The following LRRC31 variants were observed in gnomAD, a reference collection of about 807,000 sequenced individuals.
LRRC31 encodes leucine rich repeat containing 31, also known as leucine-rich repeat-containing protein 31.
A neutral mutation model predicts 46.7 loss-of-function variants in LRRC31; 35 were observed. The ratio of observed to expected loss-of-function variants is 0.75; its 90% CI spans 0.57 to 0.99. LRRC31 has a LOEUF of 0.99. LRRC31 is among the 50% of genes least tolerant of loss of function. LRRC31 has a pLI of 0.00. For missense variants in LRRC31, 613 were observed against 626.1 expected (o/e 0.98, Z 0.22); for synonymous variants, 236 against 235.1 (o/e 1.00, Z -0.03).
chr3:169,852,054 G>T (rs1780792397), intron 6 of LRRC31, among the ~76,000 whole-genome samples: 1 of 152,066 alleles, frequency 6.6e-6, no homozygotes, highest in Non-Finnish European at 1.5e-5. Context: ...GTGTGATTTT[G>T]GACAAGTTAA....
In LRRC31 at chr3:169,860,691, C is replaced by A; in HGVS notation, c.357G>T (p.Leu119=). The A allele has an allele frequency of 6.2e-7, 1 of 1,614,084 alleles. No homozygotes were observed. Among genetic ancestry groups the A allele is most frequent in the Non-Finnish European group, 8.5e-7 (1 of 1,179,982 alleles). The change falls in exon 3 of 9, where the codon CTG becomes CTT. Residue 119 remains leucine (L), a synonymous_variant. Coordinates refer to ENST00000316428, the MANE Select transcript of LRRC31 (RefSeq NM_024727.4). The part of the protein sequence containing the change: ...LLPFLPDLEE[L]DISWNGFVGG... ...CTACAAAACCATTCCAGGAGATATC[C>A]AGTTCTTCCAAGTCTGGGAGAAAAG...
rs775007900 is a variant in LRRC31, at chr3:169,861,755, G to A, written c.234C>T (p.Phe78=). Residue 78 remains phenylalanine (F), a synonymous_variant, in exon 2 of 9, where the codon TTC becomes TTT. Coordinates refer to ENST00000316428, the MANE Select transcript of LRRC31 (RefSeq NM_024727.4). ...WRSSMEKNEH[F]LQKLGKKAVN... is the part of the protein sequence containing the mutation. ...CAGCCTTTTTGCCCAGCTTCTGCAG[G>A]AAATGCTCATTTTTCTCCATACTGG... The A allele has an allele frequency of 1.2e-5, 20 of 1,613,990 alleles. No homozygotes were observed. The highest frequency in any genetic ancestry group is 3.3e-4 in the Middle Eastern group (2 of 6,084).
chr3:169,869,823 G>T lies in LRRC31; in HGVS notation c.-16C>A. The T allele has an allele frequency of 6.3e-7, 1 of 1,596,480 alleles. No homozygotes were observed. Among genetic ancestry groups the T allele is most frequent in the Non-Finnish European group, 8.5e-7 (1 of 1,173,204 alleles). Reference sequence around the variant, plus strand: ...TTTGACTCATGGTGAAGTTGATGGGGGTAGTTCCCAATAAGACATCTTCCT... The same window carrying T: ...TTTGACTCATGGTGAAGTTGATGGGTGTAGTTCCCAATAAGACATCTTCCT... On this transcript the variant is annotated 5_prime_UTR_variant, in exon 1 of 9. Coordinates refer to ENST00000316428, the MANE Select transcript of LRRC31 (RefSeq NM_024727.4).
chr3:169,856,034 C>G (rs1193929228), intron 5 of LRRC31, among the ~76,000 whole-genome samples: 1 of 151,970 alleles, frequency 6.6e-6, no homozygotes, highest in Non-Finnish European at 1.5e-5. Flanking sequence ...GCGCACGTAC[C>G]ACCACGCCCA....
chr3:169,856,789 G>A lies in LRRC31; in HGVS notation c.571C>T (p.Leu191Phe). ...TTGCTCCCTTTTTGGAACTTCTGAA[G>A]GATCAGAGGCAAATTTCCTCCCACT... ...SKVGGNLPLILQKFQKGSKIQ... is the reference protein window; with the variant it reads ...SKVGGNLPLIFQKFQKGSKIQ... The change falls in exon 4 of 9, where the codon CTT becomes TTT. Residue 191 changes from leucine (L) to phenylalanine (F), a missense_variant. Coordinates refer to ENST00000316428, the MANE Select transcript of LRRC31 (RefSeq NM_024727.4). 6.2e-7 allele frequency: 1 copy of A among 1,608,270 alleles called. No homozygotes were observed. Among genetic ancestry groups the A allele is most frequent in the East Asian group, 2.2e-5 (1 of 44,476 alleles).
At chr3:169,848,319 T>C (rs1279178234) in intron 7 of LRRC31, 32 bp from the exon 8 acceptor site, 1 of 1,599,714 alleles carries the variant, frequency 6.3e-7, no homozygotes, top group Non-Finnish European at 8.6e-7. Flanking sequence ...ACAGCAGTAA[T>C]TTAGGATTTC....
At chr3:169,853,331 A>G in intron 6 of LRRC31, 3 of 985,328 alleles carry the variant, frequency 3.0e-6, no homozygotes, top group Non-Finnish European at 3.6e-6. Flanking sequence ...ATGTATTTTC[A>G]TTTCCATCTT....
intron 1 of LRRC31, among the ~76,000 whole-genome samples, chr3:169,862,734 C>G (rs1047483785): frequency 1.3e-5 from 2 of 151,940 alleles, no homozygotes; most frequent in Non-Finnish European, 2.9e-5. Context: ...TCACACCAGC[C>G]TGGCAACAGA....
At chr3:169,859,404 G>A (rs1006834910) in intron 3 of LRRC31, among the ~76,000 whole-genome samples, 2 of 152,196 alleles carry the variant, frequency 1.3e-5, no homozygotes, top group African/African-American at 2.4e-5. Context: ...TGGGCCGGGG[G>A]ACGTCAGCTG....
intron 1 of LRRC31, among the ~76,000 whole-genome samples, chr3:169,867,610 C>T (rs1259786810): frequency 2.0e-5 from 3 of 152,086 alleles, no homozygotes; most frequent in South Asian, 2.1e-4. Context: ...TGGCCTTAAG[C>T]GATCCTCCTG....
In LRRC31 at chr3:169,854,929, T is replaced by C. The variant is rs1433170970; in HGVS notation, c.875A>G (p.Asn292Ser). Residue 292 changes from asparagine to serine, a missense_variant, in exon 6 of 9, where the codon AAT becomes AGT. Transcript: ENST00000316428. ...GELRKLDLSC[N>S]KDLGGGFEDS... ...TTCAAAACCTCCACCTAGATCCTTA[T>C]TGCAGGAAAGATCTAATTTCCTCAG... The C allele has an allele frequency of 1.2e-6, 2 of 1,613,194 alleles. No individual in the cohort carries two copies. The highest frequency in any genetic ancestry group is 2.2e-5 in the East Asian group (1 of 44,886).
chr3:169,840,423 T>A, intron 8 of LRRC31, 110 bp from the exon 9 acceptor site: 1 of 1,149,706 alleles, frequency 8.7e-7, no homozygotes, highest in Non-Finnish European at 1.3e-6. Flanking sequence ...AGATTAGTAA[T>A]TAGTAATGAT....
chr3:169,840,072 C>G lies in LRRC31; in HGVS notation c.1569G>C (p.Trp523Cys). The G allele has an allele frequency of 6.2e-7, 1 of 1,614,046 alleles. No individual in the cohort carries two copies. The highest frequency in any genetic ancestry group is 8.5e-7 in the Non-Finnish European group (1 of 1,180,000). Residue 523 changes from tryptophan to cysteine, a missense_variant, in exon 9 of 9, where the codon TGG becomes TGC. Transcript: ENST00000316428. ...PQITEIGMKR[W>C]ILPASQEEEL... Reference sequence around the variant, plus strand: ...CTTCCTCCTGTGAAGCTGGGAGAATCCATCTTTTCATTCCTATCTCAGTGA... The same window carrying G: ...CTTCCTCCTGTGAAGCTGGGAGAATGCATCTTTTCATTCCTATCTCAGTGA...
In LRRC31 at chr3:169,848,113, T is replaced by C; in HGVS notation, c.1327+7A>G. ...CCAAGACCGCTTGGGAACAAGTAGA[T>C]ACACACCCAGGAGAGCCACATCCTC... On this transcript the variant is annotated splice_region_variant and intron_variant, in intron 8 of 8. Transcript: ENST00000316428. 1 of 1,610,956 alleles carries C rather than the reference T, an allele frequency of 6.2e-7. No individual in the cohort carries two copies. The highest frequency in any genetic ancestry group is 8.5e-7 in the Non-Finnish European group (1 of 1,177,690).
In LRRC31 at chr3:169,852,419, A is replaced by AC. The variant is rs1576789172; in HGVS notation, c.992-634_992-633insG. On this transcript the variant is annotated intron_variant, in intron 6 of 8. Transcript: ENST00000316428. ...CTCCGTCTCAAAAAAAAAAAAAAAA[A>AC]AAAAAAAAAAAACTCTTAGCCTTCT... Among the ~76,000 whole-genome samples, 9 of 151,286 alleles carry AC rather than the reference A, an allele frequency of 5.9e-5. 1 individual carries two copies. The highest frequency in any genetic ancestry group is 1.3e-4 in the Admixed American group (2 of 15,208).
At chr3:169,861,064 CTTTTCCTTTT>C (rs1781136049) in intron 2 of LRRC31, among the ~76,000 whole-genome samples, 1 of 135,660 alleles carries the variant, frequency 7.4e-6, no homozygotes, top group Admixed American at 8.0e-5. Flanking sequence ...ACTTGTTTTT[CTTTTCCTTTT>C]TTTTTTTTTT....
intron 2 of LRRC31, 99 bp downstream of exon 2, chr3:169,861,571 A>G (rs1781161483): frequency 1.6e-6 from 2 of 1,241,098 alleles, no homozygotes; most frequent in African/African-American, 3.0e-5. Flanking sequence ...ACCACTCAGC[A>G]GACTTGGGGT....
intron 7 of LRRC31, among the ~76,000 whole-genome samples, chr3:169,849,263 G>A (rs544379164): frequency 6.6e-6 from 1 of 152,164 alleles, no homozygotes; most frequent in South Asian, 2.1e-4. Flanking sequence ...TCTACATTAA[G>A]GAGAAATGGA....
chr3:169,856,678 T>C, intron 4 of LRRC31, 27 bp downstream of exon 4: 2 of 1,537,128 alleles, frequency 1.3e-6, no homozygotes, highest in Non-Finnish European at 8.7e-7. Context: ...TCTTCACTTT[T>C]TTTTTTTCTC....
Sources: allele counts gnomAD v4.1 joint callset (sites outside exome capture counted in the v4.1 genomes callset), GRCh38; gene constraint gnomAD v4.1.1; transcripts MANE v1.5; gene names NCBI Gene and HGNC (gene_info 2026-07-23, HGNC 2026-07-21).